The following ZFHX3 variants were observed in gnomAD, a reference collection of about 807,000 sequenced individuals.
The protein encoded by ZFHX3 is zinc finger homeobox 3.
Under a neutral mutation model 279.1 loss-of-function variants are expected in ZFHX3, and 42 were observed. The ratio of observed to expected loss-of-function variants is 0.15; its 90% CI spans 0.12 to 0.19. ZFHX3 has a LOEUF of 0.19. Among genes scored for constraint, ZFHX3 ranks in the 10% least tolerant of loss-of-function variants. The pLI is 1.00. For missense variants in ZFHX3, 4,981 were observed against 4,754.0 expected, an observed-to-expected ratio of 1.05 and a Z score of -1.40; for synonymous variants, 2,293 against 1,957.8, an observed-to-expected ratio of 1.17 and a Z score of -4.52.
intron 4 of ZFHX3, among the ~76,000 whole-genome samples, 161 bp from the exon 5 acceptor site, chr16:72,830,020 C>T (rs1365800225): frequency 6.6e-6 from 1 of 152,178 alleles, no homozygotes; most frequent in Non-Finnish European, 1.5e-5. Flanking sequence ...TAAGGATATA[C>T]TGAGGTCTGG....
In ZFHX3 at chr16:73,503,522, T is replaced by C. The variant is rs2019273942; in HGVS notation, c.-1546-47264A>G. ...GCGGCACCTACCCTCCTGGAGGAGA[T>C]TGACAGCTGCACATCCATTCTCCTC... On this transcript the variant is annotated intron_variant, in intron 2 of 17. Transcript: ENST00000641206. Among the ~76,000 whole-genome samples, 4 of 152,152 alleles carry C rather than the reference T, an allele frequency of 2.6e-5. No individual in the cohort carries two copies. The South Asian group carries it at 8.3e-4, about 32-fold the overall frequency.
At chr16:73,638,600 C>A (rs1182408363) in intron 2 of ZFHX3, among the ~76,000 whole-genome samples, 1 of 152,096 alleles carries the variant, frequency 6.6e-6, no homozygotes, top group East Asian at 1.9e-4. Flanking sequence ...ATACAGTTTG[C>A]CTTCAATAAA....
chr16:73,632,570 C>CAGAATAGAAAGATTTGATG (rs2052485379), intron 2 of ZFHX3, among the ~76,000 whole-genome samples: 1 of 151,826 alleles, frequency 6.6e-6, no homozygotes, highest in Non-Finnish European at 1.5e-5. Flanking sequence ...CCTGTAGTCC[C>CAGAATAGAAAGATTTGATG]AGCTACTCAG....
intron 1 of ZFHX3, among the ~76,000 whole-genome samples, chr16:73,760,009 G>GTTTTT (rs5817877): frequency 6.9e-6 from 1 of 145,020 alleles, no homozygotes. Context: ...TCCAGGAGCT[G>GTTTTT]TTTTTTTTTA....
intron 1 of ZFHX3, among the ~76,000 whole-genome samples, chr16:73,031,990 A>G (rs748268058): frequency 7.9e-5 from 12 of 152,164 alleles, no homozygotes; most frequent in Admixed American, 5.2e-4. Context: ...GAGAGCCCCT[A>G]AAGAAAAAAA....
At chr16:73,231,678 C>T (rs1302464011) in intron 5 of ZFHX3, among the ~76,000 whole-genome samples, 1 of 152,182 alleles carries the variant, frequency 6.6e-6, no homozygotes, top group East Asian at 1.9e-4. Context: ...TCTAAGTCTA[C>T]GCCACTTCTC....
At chr16:73,637,252 G>C (rs1317055554) in intron 2 of ZFHX3, among the ~76,000 whole-genome samples, 9 of 125,744 alleles carry the variant, frequency 7.2e-5, no homozygotes, top group Admixed American at 6.0e-4. Flanking sequence ...TTTTTTTTGA[G>C]ACAGAATCTT....
chr16:73,764,196 C>T (rs969608583), intron 1 of ZFHX3, among the ~76,000 whole-genome samples: 1 of 152,184 alleles, frequency 6.6e-6, no homozygotes, highest in African/African-American at 2.4e-5. Flanking sequence ...AGGTACAGAG[C>T]TCTTTGGAAG....
chr16:73,055,031 C>T (rs1965519027), intron 1 of ZFHX3, among the ~76,000 whole-genome samples: 1 of 146,200 alleles, frequency 6.8e-6, no homozygotes, highest in Admixed American at 6.9e-5. Context: ...TGTGTGAAGC[C>T]AGCAAAGGGA....
At chr16:72,974,060 G>A (rs1031712575) in intron 1 of ZFHX3, among the ~76,000 whole-genome samples, 1 of 152,226 alleles carries the variant, frequency 6.6e-6, no homozygotes, top group Admixed American at 6.5e-5. Context: ...AATTGGAACA[G>A]AAGTAAGTGC....
At chr16:73,243,335 G>A (rs1597238887) in intron 5 of ZFHX3, among the ~76,000 whole-genome samples, 3 of 152,204 alleles carry the variant, frequency 2.0e-5, no homozygotes, top group South Asian at 2.1e-4. Flanking sequence ...GGAGGCAACA[G>A]GCAAATTCTA....
intron 1 of ZFHX3, among the ~76,000 whole-genome samples, chr16:73,817,830 C>G (rs1029949599): frequency 9.9e-5 from 15 of 152,166 alleles, no homozygotes; most frequent in Non-Finnish European, 1.5e-5. Flanking sequence ...CTTGAAAGGT[C>G]TGGTGAATTT....
At chr16:73,786,002 G>A (rs1244910600) in intron 1 of ZFHX3, among the ~76,000 whole-genome samples, 1 of 151,902 alleles carries the variant, frequency 6.6e-6, no homozygotes, top group East Asian at 1.9e-4. Flanking sequence ...TTCTGAGTAG[G>A]TGGGATTACA....
chr16:72,980,048 GTAA>G (rs1962520758), intron 1 of ZFHX3, among the ~76,000 whole-genome samples: 1 of 152,220 alleles, frequency 6.6e-6, no homozygotes, highest in African/African-American at 2.4e-5. Context: ...CTTTGTGGAG[GTAA>G]TAATGAGAAG....
chr16:73,172,586 T>C (rs1798323068), intron 5 of ZFHX3, among the ~76,000 whole-genome samples: 1 of 152,240 alleles, frequency 6.6e-6, no homozygotes, highest in South Asian at 2.1e-4. Context: ...TTCAAGATGG[T>C]AGCTCTATAG....
chr16:73,743,514 A>G (rs2053677367), intron 1 of ZFHX3, among the ~76,000 whole-genome samples: 1 of 152,238 alleles, frequency 6.6e-6, no homozygotes, highest in Admixed American at 6.5e-5. Flanking sequence ...ATGCTACCAG[A>G]TAAGAATTTA....
chr16:73,091,924 T>C (rs972680566), intron 8 of ZFHX3, among the ~76,000 whole-genome samples: 2 of 152,226 alleles, frequency 1.3e-5, no homozygotes, highest in South Asian at 4.1e-4. Flanking sequence ...CAACAGAACA[T>C]TCAGCACATA....
intron 2 of ZFHX3, among the ~76,000 whole-genome samples, chr16:73,524,994 G>A (rs1049825197): frequency 1.3e-5 from 2 of 152,120 alleles, no homozygotes; most frequent in Non-Finnish European, 2.9e-5. Flanking sequence ...ACTGTCTCCA[G>A]GTTCGAGGTA....
intron 2 of ZFHX3, chr16:73,483,384 C>T (rs1382313995): frequency 2.9e-5 from 13 of 453,224 alleles, no homozygotes; most frequent in South Asian, 1.9e-4. Context: ...TCAAGAGAGC[C>T]GGGAGCCAGG....
Sources: gnomAD v4.1 joint callset for allele counts (sites outside exome capture counted in the v4.1 genomes callset) on GRCh38, gnomAD v4.1.1 for gene constraint, MANE v1.5 for transcripts, NCBI Gene and HGNC (gene_info 2026-07-23, HGNC 2026-07-21) for gene names.